Variants in PTPRT observed in about 807,000 individuals in gnomAD.
PTPRT encodes protein tyrosine phosphatase receptor type T.
PTPRT carries 56 observed loss-of-function variants against 176.8 expected under a neutral mutation model. That is an observed-to-expected ratio of 0.32 (90% CI 0.26 to 0.40). PTPRT has a LOEUF of 0.40. Ranked by LOEUF, PTPRT falls within the 10% of genes least tolerant of loss-of-function variation. The probability of loss-of-function intolerance (pLI) is 1.00; values close to 1 mark genes in which losing one functional copy is unlikely to be tolerated. For missense variants in PTPRT, 1,540 were observed against 1,908.2 expected (o/e 0.81, Z 3.60); for synonymous variants, 783 against 739.0 (o/e 1.06, Z -0.96).
intron 1 of PTPRT, among the ~76,000 whole-genome samples, chr20:43,148,663 T>G (rs1000199082): frequency 7.9e-5 from 12 of 152,104 alleles, no homozygotes; most frequent in Non-Finnish European, 1.5e-5. Flanking sequence ...CCCAAAACCA[T>G]CCCAGCTATT....
intron 6 of PTPRT, among the ~76,000 whole-genome samples, chr20:42,693,617 G>A (rs1479712690): frequency 1.3e-5 from 2 of 152,154 alleles, no homozygotes; most frequent in Non-Finnish European, 2.9e-5. Flanking sequence ...TAGGAGAAGT[G>A]TATTCTCAAC....
At chr20:42,476,233 T>C (rs1171974209) in intron 7 of PTPRT, among the ~76,000 whole-genome samples, 1 of 152,198 alleles carries the variant, frequency 6.6e-6, no homozygotes, top group Non-Finnish European at 1.5e-5. Context: ...AGCTGCATTC[T>C]TGGGGCCTCA....
At position 42,761,204 on chromosome 20, in the gene PTPRT, G is replaced by A. The variant is rs558281093; in HGVS notation, c.685-4568C>T. Among the ~76,000 whole-genome samples the A allele has an allele frequency of 7.7e-4, 117 of 152,232 alleles. 1 individual carries two copies. The highest frequency in any genetic ancestry group is 2.7e-3 in the African/African-American group (113 of 41,526). ...AATCCCAGCACTTTGGGAGGCCCAG[G>A]CAGGTGGACCACCTGAGGTAGGGAG... is the stretch of plus-strand genomic sequence containing the variant. On this transcript the variant is annotated intron_variant, in intron 5 of 30. Coordinates refer to ENST00000373187, the MANE Select transcript of PTPRT (RefSeq NM_007050.6).
intron 6 of PTPRT, among the ~76,000 whole-genome samples, chr20:42,731,974 C>A (rs191447577): frequency 4.7e-4 from 72 of 152,262 alleles, no homozygotes; most frequent in Non-Finnish European, 9.1e-4. Flanking sequence ...GTCCACTTAC[C>A]GAAGGGAGCC....
intron 7 of PTPRT, among the ~76,000 whole-genome samples, chr20:42,561,377 G>A (rs2145650462): frequency 6.6e-6 from 1 of 152,314 alleles, no homozygotes; most frequent in South Asian, 2.1e-4. Context: ...TTGGGTCTGA[G>A]TTGTTTCTGG....
At chr20:42,977,903 G>C (rs1176317620) in intron 1 of PTPRT, among the ~76,000 whole-genome samples, 1 of 152,182 alleles carries the variant, frequency 6.6e-6, no homozygotes, top group African/African-American at 2.4e-5. Context: ...CGTGGGAATG[G>C]AATTATAATA....
chr20:42,067,122 T>G, the PTPRT span, among the ~76,000 whole-genome samples: 4 of 152,156 alleles, frequency 2.6e-5, 1 homozygote, highest in South Asian at 8.3e-4. Flanking sequence ...AGAGTTGGGG[T>G]CTGGGCTGCC....
chr20:42,976,693 C>T (rs1438531111), intron 1 of PTPRT, among the ~76,000 whole-genome samples: 1 of 152,150 alleles, frequency 6.6e-6, no homozygotes, highest in Non-Finnish European at 1.5e-5. Flanking sequence ...AGGCGTGAGC[C>T]ACCACACTCA....
intron 9 of PTPRT, among the ~76,000 whole-genome samples, chr20:42,378,747 G>T (rs1351442420): frequency 6.6e-6 from 1 of 152,164 alleles, no homozygotes; most frequent in Non-Finnish European, 1.5e-5. Flanking sequence ...TTTATGACCT[G>T]CAAATTATTT....
At chr20:42,367,993 G>A (rs2058538223) in intron 9 of PTPRT, among the ~76,000 whole-genome samples, 3 of 152,318 alleles carry the variant, frequency 2.0e-5, no homozygotes. Flanking sequence ...AGGGACCCCT[G>A]ATCTCCTGAG....
At chr20:42,494,094 C>A (rs2071607509) in intron 7 of PTPRT, among the ~76,000 whole-genome samples, 1 of 151,994 alleles carries the variant, frequency 6.6e-6, no homozygotes, top group South Asian at 2.1e-4. Context: ...TTTCATCTAC[C>A]TGTTTTTTTC....
chr20:42,118,873 A>T (rs1987430970), intron 20 of PTPRT, among the ~76,000 whole-genome samples: 2 of 152,044 alleles, frequency 1.3e-5, no homozygotes, highest in South Asian at 4.2e-4. Flanking sequence ...CAGAACCTCC[A>T]TGAGAGACAG....
At chr20:42,953,894 C>T (rs114741534) in intron 1 of PTPRT, among the ~76,000 whole-genome samples, 2,276 of 152,234 alleles carry the variant, frequency 0.015, 53 homozygotes, top group African/African-American at 0.052. Flanking sequence ...ATTAGTACCC[C>T]TTTCAGTCGT....
Position 42,147,870 on chromosome 20 carries a change from C to A in PTPRT, c.2683-5868G>T, listed in dbSNP as rs1179375549. Among the ~76,000 whole-genome samples the A allele has an allele frequency of 2.0e-5, 3 of 152,088 alleles. No homozygotes were observed. The East Asian group carries it at 5.8e-4, about 29-fold the overall frequency. ...CCTCTGGGAGGGAGTGGTAATGACC[C>A]CGTAATTGGCAGACTTTGATCACAC... On this transcript the variant is annotated intron_variant, in intron 17 of 30. Transcript: ENST00000373187.
At chr20:42,690,217 C>T (rs774626503) in intron 6 of PTPRT, among the ~76,000 whole-genome samples, 1 of 152,030 alleles carries the variant, frequency 6.6e-6, no homozygotes, top group Non-Finnish European at 1.5e-5. Flanking sequence ...CAAAAGTGAC[C>T]TGATCAGGAA....
At chr20:42,495,031 ACT>A (rs1170047511) in intron 7 of PTPRT, among the ~76,000 whole-genome samples, 9 of 152,036 alleles carry the variant, frequency 5.9e-5, no homozygotes, top group African/African-American at 1.9e-4. Context: ...TGTCATCCTG[ACT>A]CTCATTATTT....
At chr20:42,167,643 AAGAGG>A (rs1989885815) in intron 16 of PTPRT, among the ~76,000 whole-genome samples, 2 of 152,192 alleles carry the variant, frequency 1.3e-5, no homozygotes, top group Non-Finnish European at 2.9e-5. Context: ...GAGAGTCTGG[AAGAGG>A]AGAGAAGTTT....
chr20:42,931,813 G>T (rs1246831842), intron 1 of PTPRT, among the ~76,000 whole-genome samples: 2 of 152,204 alleles, frequency 1.3e-5, no homozygotes, highest in Non-Finnish European at 2.9e-5. Context: ...ACAACTTACA[G>T]CTGGTTAGCA....
chr20:42,804,261 C>T (rs982979847), intron 2 of PTPRT, among the ~76,000 whole-genome samples: 1 of 152,160 alleles, frequency 6.6e-6, no homozygotes, highest in Non-Finnish European at 1.5e-5. Context: ...TCTTACCTTT[C>T]TCCCATTCCC....
Sources: allele counts gnomAD v4.1 joint callset (sites outside exome capture counted in the v4.1 genomes callset), GRCh38; gene constraint gnomAD v4.1.1; transcripts MANE v1.5; gene names NCBI Gene and HGNC (gene_info 2026-07-23, HGNC 2026-07-21).